Variants in ANO3 observed in about 807,000 individuals in gnomAD.
ANO3 encodes the protein anoctamin 3.
ANO3 carries 99 observed loss-of-function variants against 144.8 expected under a neutral mutation model. The ratio of observed to expected loss-of-function variants is 0.68; its 90% CI spans 0.58 to 0.81. The LOEUF (loss-of-function observed/expected upper bound fraction) is 0.81. ANO3 is among the 30% of genes least tolerant of loss of function. ANO3 has a pLI of 0.00. For synonymous variants in ANO3, 414 were observed against 392.6 expected, an observed-to-expected ratio of 1.05 and a Z score of -0.64; for missense variants, 905 against 1,202.2, an observed-to-expected ratio of 0.75 and a Z score of 3.66.
At chr11:26,269,273 T>A (rs1338190080) in intron 1 of ANO3, among the ~76,000 whole-genome samples, 1 of 152,156 alleles carries the variant, frequency 6.6e-6, no homozygotes, top group Non-Finnish European at 1.5e-5. Flanking sequence ...GGCACTCACC[T>A]CTCAGGCAGG....
At chr11:26,326,153 C>G (rs1278088559) in intron 1 of ANO3, among the ~76,000 whole-genome samples, 1 of 152,038 alleles carries the variant, frequency 6.6e-6, no homozygotes, top group Admixed American at 6.6e-5. Context: ...TCATTTTTCC[C>G]TTTTTACATT....
intron 4 of ANO3, among the ~76,000 whole-genome samples, chr11:26,473,300 C>A (rs1361219432): frequency 6.6e-6 from 1 of 151,874 alleles, no homozygotes; most frequent in Non-Finnish European, 1.5e-5. Context: ...TCTGTTGCAT[C>A]TCTTATGTGG....
chr11:26,317,489 G>T (rs138514089), intron 1 of ANO3, among the ~76,000 whole-genome samples: 1 of 151,704 alleles, frequency 6.6e-6, no homozygotes, highest in Admixed American at 6.6e-5. Context: ...ACATTTATGC[G>T]GCCAACAAAC....
intron 17 of ANO3, among the ~76,000 whole-genome samples, chr11:26,614,348 G>A (rs1338887913): frequency 1.3e-5 from 2 of 152,204 alleles, no homozygotes; most frequent in Non-Finnish European, 2.9e-5. Flanking sequence ...TGCCACATGG[G>A]TTTGGATGCC....
intron 17 of ANO3, among the ~76,000 whole-genome samples, chr11:26,616,120 AATT>A (rs1240691921): frequency 6.6e-6 from 1 of 152,192 alleles, no homozygotes; most frequent in Non-Finnish European, 1.5e-5. Flanking sequence ...TAAGGTCTGT[AATT>A]ATTTTATCTT....
intron 1 of ANO3, among the ~76,000 whole-genome samples, chr11:26,428,479 A>G (rs1273033272): frequency 1.3e-5 from 2 of 152,254 alleles, no homozygotes; most frequent in Non-Finnish European, 2.9e-5. Flanking sequence ...CAAAACAAGA[A>G]CAAGTAGAGC....
intron 17 of ANO3, among the ~76,000 whole-genome samples, chr11:26,617,927 G>T (rs1445299509): frequency 6.6e-6 from 1 of 152,170 alleles, no homozygotes; most frequent in East Asian, 1.9e-4. Flanking sequence ...ATTTAATCAA[G>T]TAGGGCTAGA....
At chr11:26,432,462 C>G (rs1858143406) in intron 1 of ANO3, among the ~76,000 whole-genome samples, 1 of 152,142 alleles carries the variant, frequency 6.6e-6, no homozygotes, top group African/African-American at 2.4e-5. Context: ...GCATCTTCAT[C>G]ATAGAACTTT....
At chr11:26,547,683 T>G (rs1477141652) in intron 12 of ANO3, 133 bp downstream of exon 12, 1 of 898,340 alleles carries the variant, frequency 1.1e-6, no homozygotes, top group African/African-American at 1.9e-5. Flanking sequence ...ATTTCTGTTT[T>G]TTGGCTTTTG....
At chr11:26,461,400 A>G (rs1407860312) in intron 3 of ANO3, among the ~76,000 whole-genome samples, 1 of 152,002 alleles carries the variant, frequency 6.6e-6, no homozygotes, top group Non-Finnish European at 1.5e-5. Flanking sequence ...TCTTTGTGCA[A>G]ATATTACTAT....
chr11:26,660,431 A>G lies in ANO3; in HGVS notation c.2933A>G (p.His978Arg), dbSNP rs763282461. 2 of 1,612,312 alleles carry G rather than the reference A, an allele frequency of 1.2e-6. No individual in the cohort carries two copies. Among genetic ancestry groups the G allele is most frequent in the Admixed American group, 1.7e-5 (1 of 59,828 alleles). Reference protein sequence around the residue: ...QRRKSGQPVHHEWP With the variant: ...QRRKSGQPVHREWP Reference sequence around the variant, plus strand: ...AGAAAAAGTGGTCAGCCTGTTCACCATGAATGGCCTTAGTTGACACCTGTT... The same window carrying G: ...AGAAAAAGTGGTCAGCCTGTTCACCGTGAATGGCCTTAGTTGACACCTGTT... Residue 978 changes from histidine (H) to arginine (R), a missense_variant, in exon 27 of 27, where the codon CAT (histidine) becomes CGT (arginine). By Grantham distance (29) the His-to-Arg change is conservative. Coordinates refer to ENST00000256737, the MANE Select transcript of ANO3 (RefSeq NM_031418.4).
intron 1 of ANO3, among the ~76,000 whole-genome samples, chr11:26,399,735 C>G (rs11029547): frequency 0.29 from 43,964 of 151,800 alleles, 6,555 homozygotes; most frequent in Middle Eastern, 0.34. Flanking sequence ...TGCCCCTGCC[C>G]CCTTTCCTGC....
intron 1 of ANO3, among the ~76,000 whole-genome samples, chr11:26,398,271 G>A (rs1339807905): frequency 6.6e-6 from 1 of 152,010 alleles, no homozygotes; most frequent in Non-Finnish European, 1.5e-5. Flanking sequence ...GCAACCTATA[G>A]TGAGTTTTTG....
chr11:26,460,924 C>G (rs1248411508), intron 3 of ANO3, among the ~76,000 whole-genome samples: 1 of 151,986 alleles, frequency 6.6e-6, no homozygotes, highest in African/African-American at 2.4e-5. Flanking sequence ...AAATTGCATG[C>G]TAAGGAAGTG....
chr11:26,654,403 T>C (rs917738541), intron 24 of ANO3, among the ~76,000 whole-genome samples: 3 of 152,118 alleles, frequency 2.0e-5, no homozygotes, highest in African/African-American at 7.2e-5. Context: ...ATTTAAATTT[T>C]ATTTTCTTTT....
At chr11:26,318,206 A>G (rs1854673581) in intron 1 of ANO3, among the ~76,000 whole-genome samples, 2 of 152,174 alleles carry the variant, frequency 1.3e-5, no homozygotes, top group South Asian at 2.1e-4. Context: ...GTGTATAACT[A>G]TGTAACAAAC....
chr11:26,449,166 G>A (rs994102937), intron 3 of ANO3, among the ~76,000 whole-genome samples: 13 of 151,946 alleles, frequency 8.6e-5, no homozygotes, highest in Admixed American at 8.5e-4. Flanking sequence ...TGTGTTCCTT[G>A]TTCACAATAA....
chr11:26,403,386 A>C (rs895117608), intron 1 of ANO3, among the ~76,000 whole-genome samples: 1 of 151,942 alleles, frequency 6.6e-6, no homozygotes, highest in Non-Finnish European at 1.5e-5. Context: ...ATTGAGACTC[A>C]ATTAGGTTCA....
At chr11:26,357,324 C>G (rs1056822389) in intron 1 of ANO3, among the ~76,000 whole-genome samples, 28 of 152,170 alleles carry the variant, frequency 1.8e-4, no homozygotes, top group Admixed American at 3.9e-4. Context: ...ATGGTTTTCT[C>G]AATTTTCATT....
Sources: allele counts gnomAD v4.1 joint callset (sites outside exome capture counted in the v4.1 genomes callset), GRCh38; gene constraint gnomAD v4.1.1; transcripts MANE v1.5; gene names NCBI Gene and HGNC (gene_info 2026-07-23, HGNC 2026-07-21).